LRMDA: variants seen among roughly 807,000 people sequenced by gnomAD.
LRMDA encodes the protein leucine-rich melanocyte differentiation-associated protein.
A neutral mutation model predicts 29.8 loss-of-function variants in LRMDA; 18 were observed. The observed-to-expected ratio is 0.60, with a 90% confidence interval of 0.42 to 0.90. The LOEUF (loss-of-function observed/expected upper bound fraction) is 0.90. Among genes scored for constraint, LRMDA ranks in the 40% least tolerant of loss-of-function variants. LRMDA has a pLI of 0.00. For synonymous variants in LRMDA, 125 were observed against 109.4 expected (o/e 1.14, Z -0.89); for missense variants, 273 against 273.9 (o/e 1.00, Z 0.02).
intron 6 of LRMDA, among the ~76,000 whole-genome samples, chr10:76,473,204 A>G (rs961098128): frequency 1.3e-5 from 2 of 151,756 alleles, no homozygotes; most frequent in Non-Finnish European, 1.5e-5. Context: ...TTAATTTAAC[A>G]TTACAAAACC....
chr10:76,258,729 C>A (rs1839897703), intron 5 of LRMDA, among the ~76,000 whole-genome samples: 1 of 152,080 alleles, frequency 6.6e-6, no homozygotes, highest in South Asian at 2.1e-4. Flanking sequence ...TAGTTCTGTT[C>A]CTGACTTATT....
intron 5 of LRMDA, among the ~76,000 whole-genome samples, chr10:76,309,748 T>C (rs1840606305): frequency 6.6e-6 from 1 of 152,164 alleles, no homozygotes; most frequent in South Asian, 2.1e-4. Context: ...CAAAACTTGT[T>C]TGCTGTCCAC....
At chr10:76,492,597 T>C (rs993765405) in intron 6 of LRMDA, among the ~76,000 whole-genome samples, 13 of 152,058 alleles carry the variant, frequency 8.5e-5, no homozygotes, top group Non-Finnish European at 4.4e-5. Context: ...TCTGTTGGGT[T>C]AGACCTTGTA....
At chr10:75,554,978 C>A (rs1482335060) in intron 2 of LRMDA, among the ~76,000 whole-genome samples, 1 of 152,118 alleles carries the variant, frequency 6.6e-6, no homozygotes, top group Non-Finnish European at 1.5e-5. Context: ...GATTCTTGTT[C>A]TCCTCCATAG....
chr10:76,030,246 A>G (rs940714032), intron 2 of LRMDA, among the ~76,000 whole-genome samples: 1 of 151,430 alleles, frequency 6.6e-6, no homozygotes, highest in African/African-American at 2.4e-5. Context: ...TTATATAATT[A>G]TTTGTGTGTG....
chr10:76,441,745 G>T (rs1329832661), intron 6 of LRMDA, among the ~76,000 whole-genome samples: 1 of 152,078 alleles, frequency 6.6e-6, no homozygotes, highest in Non-Finnish European at 1.5e-5. Context: ...TTCTTTCAAA[G>T]ACTCATTACA....
intron 5 of LRMDA, among the ~76,000 whole-genome samples, chr10:76,064,928 T>A (rs1039937376): frequency 4.6e-5 from 7 of 152,218 alleles, no homozygotes; most frequent in South Asian, 2.1e-4. Context: ...TTTTATGATT[T>A]TTTTTTCTGT....
intron 5 of LRMDA, among the ~76,000 whole-genome samples, chr10:76,282,806 C>A (rs893818969): frequency 1.3e-5 from 2 of 152,166 alleles, no homozygotes; most frequent in Admixed American, 1.3e-4. Context: ...CAATGATGTT[C>A]TTCGTGTCTT....
chr10:76,064,427 A>G (rs1414877232), intron 5 of LRMDA, among the ~76,000 whole-genome samples: 2 of 152,140 alleles, frequency 1.3e-5, no homozygotes, highest in African/African-American at 4.8e-5. Flanking sequence ...AGCTCTTCTC[A>G]TGAAACATGT....
At chr10:75,690,960 CCT>C (rs1249123471) in intron 2 of LRMDA, among the ~76,000 whole-genome samples, 1 of 132,946 alleles carries the variant, frequency 7.5e-6, no homozygotes, top group East Asian at 2.2e-4. Flanking sequence ...AGAGCAAGAC[CCT>C]GTCTCTTAAA....
intron 2 of LRMDA, among the ~76,000 whole-genome samples, chr10:75,850,146 C>T (rs556614582): frequency 6.6e-6 from 1 of 152,088 alleles, no homozygotes; most frequent in South Asian, 2.1e-4. Flanking sequence ...ATTATATGAG[C>T]ACCTTGATGG....
chr10:75,843,175 G>T (rs1844571522), intron 2 of LRMDA, among the ~76,000 whole-genome samples: 2 of 152,230 alleles, frequency 1.3e-5, no homozygotes, highest in Admixed American at 1.3e-4. Flanking sequence ...AATGTTTGAA[G>T]AGATGAATTA....
At chr10:76,290,897 A>G (rs1840332396) in intron 5 of LRMDA, among the ~76,000 whole-genome samples, 3 of 152,244 alleles carry the variant, frequency 2.0e-5, no homozygotes, top group African/African-American at 7.2e-5. Flanking sequence ...GTGTGATGTG[A>G]AAAAGAGTCA....
intron 5 of LRMDA, among the ~76,000 whole-genome samples, chr10:76,161,450 T>G (rs1054799374): frequency 1.3e-5 from 2 of 152,206 alleles, no homozygotes; most frequent in African/African-American, 2.4e-5. Flanking sequence ...GAGCCGGTCT[T>G]TCTTCTTCAC....
chr10:75,453,667 G>A (rs903102856), intron 2 of LRMDA, among the ~76,000 whole-genome samples: 2 of 152,134 alleles, frequency 1.3e-5, no homozygotes, highest in African/African-American at 4.8e-5. Context: ...CAGCTCTGTT[G>A]ATTGAATGTA....
At chr10:76,054,414 A>C (rs189195797) in intron 4 of LRMDA, among the ~76,000 whole-genome samples, 1 of 152,104 alleles carries the variant, frequency 6.6e-6, no homozygotes, top group African/African-American at 2.4e-5. Context: ...TAAAATTTTT[A>C]ACTAGCTTAA....
At chr10:76,260,028 C>T (rs1268733838) in intron 5 of LRMDA, among the ~76,000 whole-genome samples, 1 of 151,608 alleles carries the variant, frequency 6.6e-6, no homozygotes, top group African/African-American at 2.4e-5. Flanking sequence ...TTTTTAAACC[C>T]ATTCATCCTG....
intron 5 of LRMDA, among the ~76,000 whole-genome samples, chr10:76,136,032 C>G (rs1027390819): frequency 6.6e-6 from 1 of 152,074 alleles, no homozygotes; most frequent in African/African-American, 2.4e-5. Context: ...AAGCAGGAGT[C>G]GTGTCATGTC....
intron 5 of LRMDA, among the ~76,000 whole-genome samples, chr10:76,301,816 T>C (rs140004295): frequency 6.6e-5 from 10 of 152,352 alleles, no homozygotes; most frequent in African/African-American, 2.2e-4. Flanking sequence ...CACTGTTTAA[T>C]AAATACGATC....
Sources: allele counts gnomAD v4.1 joint callset (sites outside exome capture counted in the v4.1 genomes callset), GRCh38; gene constraint gnomAD v4.1.1; transcripts MANE v1.5; gene names NCBI Gene and HGNC (gene_info 2026-07-23, HGNC 2026-07-21).